Variants in RBFOX2 observed in about 807,000 individuals in gnomAD.
RBFOX2 encodes RNA binding fox-1 homolog 2, also known as RNA binding protein fox-1 homolog 2.
A neutral mutation model predicts 49.1 loss-of-function variants in RBFOX2; 10 were observed. The ratio of observed to expected loss-of-function variants is 0.20; its 90% CI spans 0.13 to 0.35. The LOEUF is 0.35. Ranked by LOEUF, RBFOX2 falls within the 10% of genes least tolerant of loss-of-function variation. The pLI, the probability that RBFOX2 is intolerant of heterozygous loss-of-function variation, is 1.00. For missense variants in RBFOX2, 323 were observed against 486.9 expected (o/e 0.66, Z 3.17); for synonymous variants, 183 against 187.4 (o/e 0.98, Z 0.19).
At position 35,799,625 on chromosome 22, in the gene RBFOX2, C is replaced by T. The variant is rs1484977890; in HGVS notation, c.252+10155G>A. On this transcript the variant is annotated intron_variant, in intron 2 of 11. Transcript: ENST00000405409. The stretch of plus-strand genomic sequence containing the variant: ...CAACAAACAGTACAAATAGGGACAA[C>T]TGATCTTAAAAGACTTATGATGGTT... Among the ~76,000 whole-genome samples the T allele has an allele frequency of 2.0e-5, 3 of 152,228 alleles. No individual in the cohort carries two copies. In the East Asian group the frequency reaches 5.8e-4, roughly 29 times the overall value.
intron 1 of RBFOX2, among the ~76,000 whole-genome samples, chr22:35,875,609 T>G (rs190463375): frequency 0.059 from 652 of 11,040 alleles, 5 homozygotes; most frequent in South Asian, 0.2. Flanking sequence ...CTCACAAGGG[T>G]GTGTGTGTGT....
At chr22:35,958,598 C>T (rs1246091555) in intron 1 of RBFOX2, among the ~76,000 whole-genome samples, 1 of 152,152 alleles carries the variant, frequency 6.6e-6, no homozygotes, top group African/African-American at 2.4e-5. Context: ...CCTGAACTTC[C>T]TTTTATTGTA....
chr22:35,793,341 C>G (rs71314957), intron 2 of RBFOX2, among the ~76,000 whole-genome samples: 2 of 152,138 alleles, frequency 1.3e-5, no homozygotes, highest in Admixed American at 6.5e-5. Context: ...CCATCACACT[C>G]TAGCATGGGC....
intron 9 of RBFOX2, 57 bp from the exon 12 acceptor site, chr22:35,746,618 A>C: frequency 8.7e-7 from 1 of 1,149,406 alleles, no homozygotes; most frequent in Non-Finnish European, 1.2e-6. Context: ...GTGTACAGAA[A>C]AACACACACC....
At chr22:35,764,486 AG>A (rs1281285133) in intron 6 of RBFOX2, among the ~76,000 whole-genome samples, 59 of 148,476 alleles carry the variant, frequency 4.0e-4, no homozygotes, top group African/African-American at 8.2e-4. Context: ...CGGGAGGCTG[AG>A]GGCAGGAGAA....
intron 1 of RBFOX2, among the ~76,000 whole-genome samples, chr22:36,025,266 C>T (rs1168863994): frequency 6.6e-6 from 1 of 152,196 alleles, no homozygotes; most frequent in Non-Finnish European, 1.5e-5. Flanking sequence ...AATGCCTGTG[C>T]ACCCTCACCT....
chr22:36,008,679 G>A (rs774217235), intron 1 of RBFOX2, among the ~76,000 whole-genome samples: 8 of 151,998 alleles, frequency 5.3e-5, no homozygotes, highest in African/African-American at 9.7e-5. Flanking sequence ...TTAACTGGGC[G>A]TGGTGGCACA....
chr22:35,809,990 C>A (rs199502357), exon 2 of RBFOX2: 2 of 1,613,954 alleles, frequency 1.2e-6, no homozygotes, highest in South Asian at 2.2e-5. Context: ...GAGTTGTTGT[C>A]GGCTCCTGGT....
chr22:35,777,942 T>C lies in RBFOX2; in HGVS notation c.453+83A>G. 3.0e-6 allele frequency: 4 copies of C among 1,347,876 alleles called. No individual in the cohort carries two copies. In the South Asian group the frequency reaches 5.0e-5, roughly 17 times the overall value. 83.5% of individuals were successfully genotyped at this position (1,347,876 alleles called of 1,614,324 possible). ...CTTTTATGCAGGCTTGAAAACAGCT[T>C]ATGTTTTCTGAATACTTGCTATTTA... On this transcript the variant is annotated intron_variant, in intron 4 of 11. Transcript: ENST00000405409.
intron 1 of RBFOX2, chr22:35,822,776 A>G (rs1212967178): frequency 4.8e-6 from 2 of 419,744 alleles, no homozygotes; most frequent in African/African-American, 2.1e-5. Flanking sequence ...ATTCTGATCA[A>G]CTTCTTTGGA....
upstream of RBFOX2, among the ~76,000 whole-genome samples, chr22:35,844,932 C>A (rs1272730695): frequency 6.6e-6 from 1 of 152,006 alleles, no homozygotes; most frequent in East Asian, 1.9e-4. Context: ...CAAAATAATA[C>A]CCACTCATTT....
At chr22:35,810,105 C>G in intron 1 of RBFOX2, 101 bp from the exon 3 acceptor site, 2 of 1,159,470 alleles carry the variant, frequency 1.7e-6, no homozygotes, top group Non-Finnish European at 2.5e-6. Flanking sequence ...TCTCTCACTG[C>G]ATAGGTAAAA....
upstream of RBFOX2, among the ~76,000 whole-genome samples, chr22:35,843,040 G>A (rs2040709205): frequency 6.6e-6 from 1 of 152,144 alleles, no homozygotes; most frequent in African/African-American, 2.4e-5. Flanking sequence ...GGCTCATAGT[G>A]AGGTCTGACT....
intron 4 of RBFOX2, among the ~76,000 whole-genome samples, chr22:35,771,059 G>A (rs1942528114): frequency 1.3e-5 from 2 of 152,116 alleles, no homozygotes; most frequent in Non-Finnish European, 2.9e-5. Flanking sequence ...TTGCTTTGAA[G>A]ATAAACAGAC....
chr22:35,899,533 G>A (rs2048305846), intron 1 of RBFOX2, among the ~76,000 whole-genome samples: 1 of 146,672 alleles, frequency 6.8e-6, no homozygotes, highest in Admixed American at 6.8e-5. Flanking sequence ...TCATGCTCCT[G>A]CATGTTCACA....
chr22:35,958,181 T>TCCC (rs2149914220), intron 1 of RBFOX2, among the ~76,000 whole-genome samples: 1 of 152,318 alleles, frequency 6.6e-6, no homozygotes, highest in African/African-American at 2.4e-5. Flanking sequence ...TATAACAGTC[T>TCCC]CTTCACTCAC....
chr22:35,882,838 A>G (rs73413842), intron 1 of RBFOX2, among the ~76,000 whole-genome samples: 11,827 of 152,242 alleles, frequency 0.078, 480 homozygotes, highest in South Asian at 0.086. Flanking sequence ...AGCCAAAAGA[A>G]GCAATTTAAC....
intron 1 of RBFOX2, among the ~76,000 whole-genome samples, chr22:36,027,517 A>G (rs926569576): frequency 5.3e-5 from 8 of 152,214 alleles, no homozygotes; most frequent in African/African-American, 1.9e-4. Flanking sequence ...CCCTATAAAA[A>G]AATTTTTTTT....
chr22:35,978,536 C>T (rs2057306525), intron 1 of RBFOX2, among the ~76,000 whole-genome samples: 1 of 152,106 alleles, frequency 6.6e-6, no homozygotes. Flanking sequence ...ATGGCTGATT[C>T]CAAGGCTTTG....
Sources: allele counts gnomAD v4.1 joint callset (sites outside exome capture counted in the v4.1 genomes callset), GRCh38; gene constraint gnomAD v4.1.1; transcripts MANE v1.5; gene names NCBI Gene and HGNC (gene_info 2026-07-23, HGNC 2026-07-21).